Variants in CDC42BPA observed in about 807,000 individuals in gnomAD.
CDC42BPA encodes serine/threonine-protein kinase MRCK alpha.
Under a neutral mutation model 223.5 loss-of-function variants are expected in CDC42BPA, and 80 were observed. The ratio of observed to expected loss-of-function variants is 0.36; its 90% CI spans 0.30 to 0.43. The LOEUF is 0.43. CDC42BPA is among the 20% of genes least tolerant of loss of function. The probability of loss-of-function intolerance (pLI) is 1.00; values close to 1 mark genes in which losing one functional copy is unlikely to be tolerated. For synonymous variants in CDC42BPA, 694 were observed against 718.6 expected (o/e 0.97, Z 0.55); for missense variants, 1,743 against 2,099.9 (o/e 0.83, Z 3.32).
chr1:227,280,066 G>T (rs576486226), intron 1 of CDC42BPA, among the ~76,000 whole-genome samples: 2 of 151,214 alleles, frequency 1.3e-5, no homozygotes, highest in Non-Finnish European at 3.0e-5. Context: ...TCAAAAAAAA[G>T]AAAAAAAGAT....
chr1:227,173,530 G>C (rs1476988697), intron 5 of CDC42BPA, among the ~76,000 whole-genome samples: 1 of 152,070 alleles, frequency 6.6e-6, no homozygotes, highest in African/African-American at 2.4e-5. Flanking sequence ...ATTTGGGAAG[G>C]GCTGGAGACT....
At chr1:227,156,323 T>C (rs1662770454) in intron 6 of CDC42BPA, among the ~76,000 whole-genome samples, 1 of 151,670 alleles carries the variant, frequency 6.6e-6, no homozygotes, top group Non-Finnish European at 1.5e-5. Flanking sequence ...TAACTAATTT[T>C]TTATATTTTT....
chr1:227,309,444 G>A (rs1693141588), intron 1 of CDC42BPA, among the ~76,000 whole-genome samples: 1 of 152,108 alleles, frequency 6.6e-6, no homozygotes, highest in African/African-American at 2.4e-5. Flanking sequence ...TATATAAATA[G>A]TTGCTGGCAC....
intron 1 of CDC42BPA, among the ~76,000 whole-genome samples, chr1:227,283,913 C>G (rs754057065): frequency 6.6e-6 from 1 of 152,094 alleles, no homozygotes; most frequent in Non-Finnish European, 1.5e-5. Flanking sequence ...CCCAAATTAG[C>G]TGGGCATGGT....
chr1:227,217,181 T>TTGGAATGTAATC (rs1675008073), intron 2 of CDC42BPA, among the ~76,000 whole-genome samples: 1 of 152,080 alleles, frequency 6.6e-6, no homozygotes, highest in Non-Finnish European at 1.5e-5. Flanking sequence ...ATTACATGGC[T>TTGGAATGTAATC]CATGTCTGTA....
chr1:227,008,971 T>C (rs1398502529), intron 34 of CDC42BPA, among the ~76,000 whole-genome samples: 2 of 152,190 alleles, frequency 1.3e-5, no homozygotes, highest in African/African-American at 2.4e-5. Context: ...GCAAGCAGCA[T>C]GTGAACAATG....
At position 227,054,297 on chromosome 1, in the gene CDC42BPA, G is replaced by A. The variant is rs115210376; in HGVS notation, c.2905-2312C>T. Among the ~76,000 whole-genome samples, 674 of 152,298 alleles carry A rather than the reference G, an allele frequency of 4.4e-3. 3 individuals are homozygous for A. The highest frequency in any genetic ancestry group is 0.015 in the African/African-American group (627 of 41,570). On this transcript the variant is annotated intron_variant, in intron 21 of 36. Transcript: ENST00000366766. ...TAAAAATGGGAAAGGCCAAGTATTT[G>A]CTGTTTGCAATAGCACTGGTTGAAA...
At chr1:227,179,012 C>T (rs536507982) in intron 5 of CDC42BPA, among the ~76,000 whole-genome samples, 70 of 152,206 alleles carry the variant, frequency 4.6e-4, no homozygotes, top group African/African-American at 1.7e-3. Flanking sequence ...GATCATATGT[C>T]CTGACATATC....
intron 1 of CDC42BPA, among the ~76,000 whole-genome samples, chr1:227,309,659 A>C (rs1284932868): frequency 1.3e-5 from 2 of 152,210 alleles, no homozygotes; most frequent in Admixed American, 1.3e-4. Flanking sequence ...CAGATAGACA[A>C]TAGTTTTGCA....
At chr1:227,044,633 G>C (rs1236686186) in intron 23 of CDC42BPA, among the ~76,000 whole-genome samples, 1 of 152,098 alleles carries the variant, frequency 6.6e-6, no homozygotes, top group Non-Finnish European at 1.5e-5. Flanking sequence ...CTATACTACA[G>C]TTTTTTGATT....
At chr1:227,028,399 T>TA (rs985055469) in intron 30 of CDC42BPA, among the ~76,000 whole-genome samples, 2 of 152,172 alleles carry the variant, frequency 1.3e-5, no homozygotes, top group Admixed American at 6.5e-5. Context: ...TGATGTGGGG[T>TA]AAAAAATCCA....
intron 1 of CDC42BPA, among the ~76,000 whole-genome samples, chr1:227,254,638 C>G (rs1682740641): frequency 6.6e-6 from 1 of 152,154 alleles, no homozygotes. Context: ...GTGGCAATGA[C>G]TGGAGTTTTT....
intron 1 of CDC42BPA, among the ~76,000 whole-genome samples, chr1:227,260,365 GA>G (rs1683827068): frequency 6.6e-6 from 1 of 151,042 alleles, no homozygotes; most frequent in South Asian, 2.1e-4. Context: ...AGAAGAAAAA[GA>G]ACTCAAAGTT....
In CDC42BPA at chr1:227,294,837, G is replaced by A. The variant is rs557779285; in HGVS notation, c.178+22168C>T. ...ATCGCGCCACTGCACTCCAGCCTGG[G>A]CGACAGAGCGAGACTCCGTCTCAAA... On this transcript the variant is annotated intron_variant, in intron 1 of 36. Coordinates refer to ENST00000366766, the MANE Select transcript of CDC42BPA (RefSeq NM_001394014.1). 1.2e-3 allele frequency among the ~76,000 whole-genome samples: 64 copies of A among 54,928 alleles called. 6 individuals carry two copies. The highest frequency in any genetic ancestry group is 4.7e-3 in the African/African-American group (60 of 12,754). 36.0% of individuals were successfully genotyped at this position (54,928 alleles called of 152,430 possible). A position where few individuals can be genotyped will look rare whatever the true frequency, so the allele number is the denominator to read the frequency against.
chr1:227,129,694 A>T (rs1007958938), intron 10 of CDC42BPA, among the ~76,000 whole-genome samples: 6 of 88,388 alleles, frequency 6.8e-5, no homozygotes, highest in Non-Finnish European at 1.2e-4. Flanking sequence ...AAAAAAAAAA[A>T]TCCACTGCAT....
chr1:227,124,816 C>G (rs1392310394), intron 11 of CDC42BPA, among the ~76,000 whole-genome samples: 1 of 152,124 alleles, frequency 6.6e-6, no homozygotes, highest in African/African-American at 2.4e-5. Flanking sequence ...CAGACTTATA[C>G]TTTAAAAGCT....
intron 2 of CDC42BPA, among the ~76,000 whole-genome samples, chr1:227,244,000 C>T (rs1437712316): frequency 6.8e-6 from 1 of 147,816 alleles, no homozygotes; most frequent in Non-Finnish European, 1.5e-5. Context: ...CACTCACTCA[C>T]CAAAAAAAAA....
At chr1:227,040,341 T>C (rs546125140) in intron 23 of CDC42BPA, 105 bp from the exon 24 acceptor site, 58 of 659,478 alleles carry the variant, frequency 8.8e-5, no homozygotes, top group Admixed American at 1.9e-4. Flanking sequence ...TAAATAGGAA[T>C]AGAATGAATT....
chr1:227,205,900 T>A (rs1672634083), intron 3 of CDC42BPA, among the ~76,000 whole-genome samples: 1 of 151,906 alleles, frequency 6.6e-6, no homozygotes, highest in Non-Finnish European at 1.5e-5. Context: ...AATACAAAAA[T>A]TAGCTGAGTG....
Sources: allele counts gnomAD v4.1 joint callset (sites outside exome capture counted in the v4.1 genomes callset), GRCh38; gene constraint gnomAD v4.1.1; transcripts MANE v1.5; gene names NCBI Gene and HGNC (gene_info 2026-07-23, HGNC 2026-07-21).